RPS6KC1: variants seen among roughly 807,000 people sequenced by gnomAD.
RPS6KC1 encodes inactive ribosomal protein S6 kinase delta-1.
In RPS6KC1, 54 loss-of-function variants were observed where a neutral mutation model predicts 103.8. The ratio of observed to expected loss-of-function variants is 0.52; its 90% confidence interval spans 0.42 to 0.65. RPS6KC1 has a LOEUF of 0.65. Among genes scored for constraint, RPS6KC1 ranks in the 30% least tolerant of loss-of-function variants. The probability of loss-of-function intolerance (pLI) is 0.00; values close to 1 mark genes in which losing one functional copy is unlikely to be tolerated. For synonymous variants in RPS6KC1, 439 were observed against 438.7 expected, an observed-to-expected ratio of 1.00 and a Z score of -0.01; for missense variants, 1,151 against 1,253.8, an observed-to-expected ratio of 0.92 and a Z score of 1.24.
At chr1:213,753,869 A>G in the RPS6KC1 span, among the ~76,000 whole-genome samples, 1 of 152,152 alleles carries the variant, frequency 6.6e-6, no homozygotes, top group Non-Finnish European at 1.5e-5. Context: ...CACATGAACA[A>G]TGGATCACCT....
the RPS6KC1 span, among the ~76,000 whole-genome samples, chr1:213,834,588 A>G: frequency 1.3e-5 from 2 of 152,200 alleles, no homozygotes; most frequent in African/African-American, 4.8e-5. Flanking sequence ...AATAAAATTA[A>G]AATATATCAC....
At chr1:213,827,098 C>T in the RPS6KC1 span, among the ~76,000 whole-genome samples, 3 of 152,292 alleles carry the variant, frequency 2.0e-5, no homozygotes, top group Admixed American at 1.3e-4. Context: ...GGGCCTTTTG[C>T]ATATGTGTGA....
At chr1:213,622,692 C>A in the RPS6KC1 span, among the ~76,000 whole-genome samples, 1 of 152,100 alleles carries the variant, frequency 6.6e-6, no homozygotes, top group Non-Finnish European at 1.5e-5. Flanking sequence ...GCACTTGATC[C>A]TGTGGGGGTC....
the RPS6KC1 span, among the ~76,000 whole-genome samples, chr1:213,477,664 G>A: frequency 6.6e-6 from 1 of 152,100 alleles, no homozygotes; most frequent in Non-Finnish European, 1.5e-5. Flanking sequence ...ATAAAACCCA[G>A]ATACCATCCA....
intron 3 of RPS6KC1, among the ~76,000 whole-genome samples, chr1:213,097,109 A>C (rs534053100): frequency 6.6e-6 from 1 of 152,302 alleles, no homozygotes; most frequent in Non-Finnish European, 1.5e-5. Flanking sequence ...TAATTCCAGC[A>C]CTTTGGGAGG....
At chr1:213,317,260 A>T in the RPS6KC1 span, among the ~76,000 whole-genome samples, 4 of 152,232 alleles carry the variant, frequency 2.6e-5, no homozygotes, top group Admixed American at 6.5e-5. Context: ...CTAATCTTCA[A>T]TTCCCTATTG....
chr1:213,514,234 A>AT, the RPS6KC1 span, among the ~76,000 whole-genome samples: 361 of 151,976 alleles, frequency 2.4e-3, 1 homozygote, highest in African/African-American at 8.2e-3. Context: ...GAAGGGATAT[A>AT]TTTTTTTTAT....
At chr1:213,208,146 A>T (rs2093407714) in intron 8 of RPS6KC1, among the ~76,000 whole-genome samples, 1 of 152,174 alleles carries the variant, frequency 6.6e-6, no homozygotes, top group Non-Finnish European at 1.5e-5. Flanking sequence ...CCTCTGATGG[A>T]ATTTTAAAAT....
At chr1:213,854,238 A>G in the RPS6KC1 span, among the ~76,000 whole-genome samples, 1 of 152,224 alleles carries the variant, frequency 6.6e-6, no homozygotes, top group African/African-American at 2.4e-5. Flanking sequence ...TGGATTCCCC[A>G]CGAATCTCTG....
At chr1:213,603,959 C>A in the RPS6KC1 span, among the ~76,000 whole-genome samples, 1 of 152,114 alleles carries the variant, frequency 6.6e-6, no homozygotes, top group Non-Finnish European at 1.5e-5. Flanking sequence ...GTAGAGAGAA[C>A]CAAACTAATT....
intron 6 of RPS6KC1, among the ~76,000 whole-genome samples, chr1:213,132,128 G>T (rs2085709271): frequency 6.6e-6 from 1 of 152,164 alleles, no homozygotes. Context: ...GCTGATTATG[G>T]TGGTGAATTA....
At chr1:213,260,970 C>CT (rs1478032384) in intron 12 of RPS6KC1, among the ~76,000 whole-genome samples, 2 of 152,142 alleles carry the variant, frequency 1.3e-5, no homozygotes, top group Non-Finnish European at 2.9e-5. Flanking sequence ...TCTATCTGTA[C>CT]TTTAGCAAAA....
intron 3 of RPS6KC1, among the ~76,000 whole-genome samples, chr1:213,094,000 C>T (rs1407866752): frequency 6.6e-6 from 1 of 152,074 alleles, no homozygotes; most frequent in Admixed American, 6.5e-5. Context: ...GTTTACCCTT[C>T]CTGGTTATTC....
chr1:213,522,868 TG>T, the RPS6KC1 span, among the ~76,000 whole-genome samples: 1 of 152,232 alleles, frequency 6.6e-6, no homozygotes, highest in Non-Finnish European at 1.5e-5. Flanking sequence ...ATAAGCAAGA[TG>T]GCTATTTTGC....
the RPS6KC1 span, among the ~76,000 whole-genome samples, chr1:213,478,972 C>T: frequency 6.6e-6 from 1 of 151,888 alleles, no homozygotes; most frequent in Non-Finnish European, 1.5e-5. Context: ...ATTTTGTAAT[C>T]ACTAATAGTC....
At chr1:213,257,867 G>C (rs142290326) in intron 12 of RPS6KC1, among the ~76,000 whole-genome samples, 2 of 118,460 alleles carry the variant, frequency 1.7e-5, no homozygotes, top group African/African-American at 6.4e-5. Context: ...CCAGTGGTGT[G>C]ATCTTGGCTC....
chr1:213,260,029 T>G (rs1359148975), intron 12 of RPS6KC1, among the ~76,000 whole-genome samples: 1 of 152,184 alleles, frequency 6.6e-6, no homozygotes, highest in Non-Finnish European at 1.5e-5. Context: ...GTGAGCCACC[T>G]CGCCTGGCCC....
At chr1:213,820,212 CAA>C in the RPS6KC1 span, 1 of 152,234 alleles carries the variant, frequency 6.6e-6, no homozygotes, top group Non-Finnish European at 1.5e-5. Flanking sequence ...TCTCTGAGTG[CAA>C]GGGCATCCCG....
intron 1 of RPS6KC1, among the ~76,000 whole-genome samples, chr1:213,069,173 G>T (rs1301050316): frequency 6.6e-6 from 1 of 152,164 alleles, no homozygotes; most frequent in Non-Finnish European, 1.5e-5. Flanking sequence ...TGGTGGCTGT[G>T]TTGAACACTG....
Sources: allele counts gnomAD v4.1 joint callset (sites outside exome capture counted in the v4.1 genomes callset), GRCh38; gene constraint gnomAD v4.1.1; transcripts MANE v1.5; gene names NCBI Gene and HGNC (gene_info 2026-07-23, HGNC 2026-07-21).